NFAT5: variants seen among roughly 807,000 people sequenced by gnomAD.
NFAT5 encodes the protein nuclear factor of activated T cells 5.
A neutral mutation model predicts 166.5 loss-of-function variants in NFAT5; 31 were observed. The ratio of observed to expected loss-of-function variants is 0.19; its 90% CI spans 0.14 to 0.25. The LOEUF is 0.25. Among genes scored for constraint, NFAT5 ranks in the 10% least tolerant of loss-of-function variants. The pLI is 1.00. For missense variants in NFAT5, 1,449 were observed against 1,821.8 expected, an observed-to-expected ratio of 0.80 and a Z score of 3.72; for synonymous variants, 612 against 639.7, an observed-to-expected ratio of 0.96 and a Z score of 0.65.
At chr16:69,649,359 T>C in intron 4 of NFAT5, 1 of 974,356 alleles carries the variant, frequency 1.0e-6, no homozygotes. Flanking sequence ...GAATTTTTAC[T>C]TATGGCTAGT....
chr16:69,602,366 A>G (rs909739460), intron 2 of NFAT5, among the ~76,000 whole-genome samples: 50 of 150,992 alleles, frequency 3.3e-4, no homozygotes, highest in African/African-American at 1.2e-3. Context: ...TCCTGGGTTC[A>G]AATGATTCTC....
chr16:69,670,995 A>G (rs1043897840), intron 9 of NFAT5, among the ~76,000 whole-genome samples: 2 of 152,252 alleles, frequency 1.3e-5, no homozygotes, highest in Admixed American at 6.5e-5. Context: ...AAAAGAGCAC[A>G]TGACAGAAGG....
chr16:69,662,747 A>G (rs1185003828), intron 7 of NFAT5, among the ~76,000 whole-genome samples: 2 of 152,024 alleles, frequency 1.3e-5, no homozygotes, highest in Non-Finnish European at 2.9e-5. Context: ...GGCGTGAGCC[A>G]CTGCGCCCGG....
intron 2 of NFAT5, among the ~76,000 whole-genome samples, chr16:69,600,638 A>G (rs564059999): frequency 6.6e-6 from 1 of 151,660 alleles, no homozygotes; most frequent in African/African-American, 2.4e-5. Flanking sequence ...TGGGAAATTT[A>G]TGTCCTATAC....
At chr16:69,664,506 C>G (rs2151657284) in intron 7 of NFAT5, among the ~76,000 whole-genome samples, 1 of 152,154 alleles carries the variant, frequency 6.6e-6, no homozygotes, top group African/African-American at 2.4e-5. Context: ...AGGATGGTCT[C>G]AATCTCCTGA....
At position 69,633,619 on chromosome 16, in the gene NFAT5, A is replaced by G. The variant is rs2034815959; in HGVS notation, c.253+7091A>G. ...ATGTTCTCACTCATATGTGAAAGCT[A>G]AAAAATGTTGGTCTCATAGAAGTAA... On this transcript the variant is annotated intron_variant, in intron 3 of 14. Transcript: ENST00000349945. Among the ~76,000 whole-genome samples the G allele has an allele frequency of 3.3e-5, 5 of 152,200 alleles. No individual in the cohort carries two copies. The South Asian group carries it at 8.3e-4, about 25-fold the overall frequency.
chr16:69,670,856 A>G (rs1344943193), intron 9 of NFAT5, among the ~76,000 whole-genome samples: 4 of 152,202 alleles, frequency 2.6e-5, no homozygotes, highest in Non-Finnish European at 4.4e-5. Context: ...TAAGCAAGTT[A>G]GAAGGCACAT....
intron 2 of NFAT5, among the ~76,000 whole-genome samples, chr16:69,586,510 C>G (rs1011783475): frequency 2.0e-5 from 3 of 152,070 alleles, no homozygotes; most frequent in Non-Finnish European, 2.9e-5. Flanking sequence ...TCAAGCAATT[C>G]TCCTGCCTCA....
chr16:69,670,074 G>T lies in NFAT5; in HGVS notation c.1467G>T (p.Leu489=), dbSNP rs755426865. ...TGTTTTTAATCGGCAAGAACTTTCTGAAAGGAACTAAAGTTATTTTCCAAG... is the reference window on the plus strand; with the variant it reads ...TGTTTTTAATCGGCAAGAACTTTCTTAAAGGAACTAAAGTTATTTTCCAAG... The part of the protein sequence containing the change: ...EEVFLIGKNF[L]KGTKVIFQEN... Residue 489 remains leucine (L), a synonymous_variant, in exon 8 of 15, where the codon CTG becomes CTT. Transcript: ENST00000349945. 13 of 1,613,052 alleles carry T rather than the reference G, an allele frequency of 8.1e-6. No homozygotes were observed. The East Asian group carries it at 2.9e-4, about 36-fold the overall frequency.
intron 2 of NFAT5, among the ~76,000 whole-genome samples, chr16:69,591,133 TG>T (rs1217113751): frequency 1.3e-5 from 2 of 152,152 alleles, no homozygotes; most frequent in Non-Finnish European, 2.9e-5. Flanking sequence ...GGTTTTGCCA[TG>T]TTGACCAGGC....
At chr16:69,598,270 C>T (rs923703228) in intron 2 of NFAT5, among the ~76,000 whole-genome samples, 1 of 150,856 alleles carries the variant, frequency 6.6e-6, no homozygotes, top group Non-Finnish European at 1.5e-5. Context: ...CACAGCTACT[C>T]AGGAGCCTGA....
At chr16:69,668,579 T>C (rs1224527226) in intron 7 of NFAT5, among the ~76,000 whole-genome samples, 2 of 152,180 alleles carry the variant, frequency 1.3e-5, no homozygotes, top group African/African-American at 4.8e-5. Flanking sequence ...TGCATCAGAG[T>C]TTCAAAAAGC....
At chr16:69,660,812 T>C (rs928500159) in intron 7 of NFAT5, among the ~76,000 whole-genome samples, 11 of 150,720 alleles carry the variant, frequency 7.3e-5, no homozygotes, top group African/African-American at 2.7e-4. Context: ...CTCTCTCTCT[T>C]TTTTTTTTCT....
At chr16:69,621,596 G>T (rs1407715472) in intron 2 of NFAT5, among the ~76,000 whole-genome samples, 2 of 152,098 alleles carry the variant, frequency 1.3e-5, no homozygotes, top group Non-Finnish European at 2.9e-5. Flanking sequence ...TGATTTAAAA[G>T]ATAACATAAG....
rs764046328 is a variant in NFAT5 at position 69,691,047 on chromosome 16, A to G, written c.1882A>G (p.Met628Val). The G allele has an allele frequency of 8.7e-6, 14 of 1,606,882 alleles. No homozygotes were observed. Among genetic ancestry groups the G allele is most frequent in the African/African-American group, 1.3e-5 (1 of 74,748 alleles). Residue 628 changes from methionine to valine, a missense_variant, in exon 12 of 15, where the codon ATG becomes GTG. Physicochemically the swap from Met to Val is conservative, Grantham distance 21 (BLOSUM62 1). This residue lies in a region of NFAT5 where 245 missense variants were observed against 366.6 expected (regional missense o/e 0.67). Transcript: ENST00000349945. ...GATTAAGAGTGAAGATGTTACTCCA[A>G]TGGAAGTAACAGCAGAAAAAAGATC... ...SMIKSEDVTP[M>V]EVTAEKRSST...
At chr16:69,609,453 C>T (rs2033596822) in intron 2 of NFAT5, among the ~76,000 whole-genome samples, 1 of 152,078 alleles carries the variant, frequency 6.6e-6, no homozygotes, top group Non-Finnish European at 1.5e-5. Flanking sequence ...TTCTGGTATT[C>T]CCTGTTGAAA....
chr16:69,687,987 G>A (rs2037379310), intron 11 of NFAT5, among the ~76,000 whole-genome samples: 1 of 151,314 alleles, frequency 6.6e-6, no homozygotes, highest in East Asian at 1.9e-4. Context: ...GAGGTCAGGA[G>A]ATCGAGACCA....
At chr16:69,649,591 A>C in intron 4 of NFAT5, 1 of 967,776 alleles carries the variant, frequency 1.0e-6, no homozygotes, top group Non-Finnish European at 1.2e-6. Flanking sequence ...ATTTGAAACT[A>C]GTATATGGAA....
intron 2 of NFAT5, among the ~76,000 whole-genome samples, chr16:69,580,567 G>A (rs963371229): frequency 6.6e-5 from 10 of 151,434 alleles, no homozygotes; most frequent in African/African-American, 9.7e-5. Flanking sequence ...ACTGTGTTGC[G>A]CAGGGTTTAT....
Sources: gnomAD v4.1 joint callset for allele counts (sites outside exome capture counted in the v4.1 genomes callset) on GRCh38, gnomAD v4.1.1 for gene constraint, gnomAD v4.1.1 regional missense constraint, MANE v1.5 for transcripts, NCBI Gene and HGNC (gene_info 2026-07-23, HGNC 2026-07-21) for gene names.